Variants in JMY observed in about 807,000 individuals in gnomAD.
JMY encodes junction mediating and regulatory protein, p53 cofactor, also known as junction-mediating and -regulatory protein.
JMY carries 46 observed loss-of-function variants against 103.3 expected under a neutral mutation model. That is an observed-to-expected ratio of 0.45 (90% CI 0.35 to 0.57). The LOEUF is 0.57. Among genes scored for constraint, JMY ranks in the 20% least tolerant of loss-of-function variants. JMY has a pLI of 0.00. For missense variants in JMY, 1,238 were observed against 1,255.2 expected (o/e 0.99, Z 0.21); for synonymous variants, 526 against 489.3 (o/e 1.07, Z -0.99).
At chr5:79,309,498 A>G (rs990586462) in intron 7 of JMY, among the ~76,000 whole-genome samples, 1 of 152,220 alleles carries the variant, frequency 6.6e-6, no homozygotes, top group Non-Finnish European at 1.5e-5. Context: ...TGTGTCTTAA[A>G]TTAGTTAACA....
chr5:79,297,918 G>C (rs751370272), intron 4 of JMY, among the ~76,000 whole-genome samples: 1 of 152,160 alleles, frequency 6.6e-6, no homozygotes, highest in African/African-American at 2.4e-5. Flanking sequence ...TTTGATTTTT[G>C]ATATTGAGTG....
chr5:79,258,311 G>GTTTT (rs1491360478), intron 1 of JMY, among the ~76,000 whole-genome samples: 17 of 81,810 alleles, frequency 2.1e-4, no homozygotes, highest in Admixed American at 3.0e-4. Flanking sequence ...TTTTGTTTTT[G>GTTTT]TTGTTTTTTT....
chr5:79,312,300 A>G, intron 7 of JMY, 103 bp from the exon 8 acceptor site: 1 of 579,800 alleles, frequency 1.7e-6, no homozygotes, highest in South Asian at 5.0e-5. Context: ...TGTTCAGTGA[A>G]TCATCCCCTT....
chr5:79,281,844 T>C (rs764930651), intron 2 of JMY, among the ~76,000 whole-genome samples: 5 of 152,118 alleles, frequency 3.3e-5, no homozygotes, highest in African/African-American at 4.8e-5. Context: ...CATAGTAAAA[T>C]TGCTTACAGG....
At chr5:79,281,942 A>G (rs1006741356) in intron 2 of JMY, among the ~76,000 whole-genome samples, 1 of 152,204 alleles carries the variant, frequency 6.6e-6, no homozygotes, top group Non-Finnish European at 1.5e-5. Context: ...GTAGTGGCTC[A>G]TGCCTGTAAT....
chr5:79,290,725 C>T (rs995330376), intron 3 of JMY, among the ~76,000 whole-genome samples: 21 of 152,266 alleles, frequency 1.4e-4, no homozygotes, highest in African/African-American at 4.6e-4. Flanking sequence ...CGGTGGCTCA[C>T]GCCTGTAATC....
At chr5:79,285,779 T>A (rs527880774) in intron 2 of JMY, among the ~76,000 whole-genome samples, 2 of 152,302 alleles carry the variant, frequency 1.3e-5, no homozygotes, top group South Asian at 2.1e-4. Flanking sequence ...CCCCCTCATC[T>A]TCTTCATGAT....
chr5:79,289,975 G>A, intron 2 of JMY, 146 bp from the exon 3 acceptor site: 1 of 588,730 alleles, frequency 1.7e-6, no homozygotes, highest in Non-Finnish European at 2.8e-6. Context: ...CAGTATTATT[G>A]TTAATTCACT....
intron 2 of JMY, among the ~76,000 whole-genome samples, chr5:79,278,981 T>A (rs1240232578): frequency 6.6e-6 from 1 of 152,118 alleles, no homozygotes; most frequent in African/African-American, 2.4e-5. Context: ...GTTTTAAGTT[T>A]TTAATGACAG....
intron 2 of JMY, chr5:79,283,990 G>A (rs1161584846): frequency 3.7e-6 from 2 of 540,494 alleles, no homozygotes; most frequent in Non-Finnish European, 6.1e-6. Context: ...CTTTGTATTT[G>A]TAGCTATAAA....
chr5:79,255,099 C>A (rs183908603), intron 1 of JMY, among the ~76,000 whole-genome samples: 19 of 149,318 alleles, frequency 1.3e-4, no homozygotes, highest in Non-Finnish European at 2.4e-4. Context: ...TTTGAATTCT[C>A]TGTCTGAAAG....
intron 1 of JMY, among the ~76,000 whole-genome samples, chr5:79,264,580 GA>G (rs1306508648): frequency 6.6e-6 from 1 of 152,050 alleles, no homozygotes; most frequent in Non-Finnish European, 1.5e-5. Flanking sequence ...TATTTCATCA[GA>G]ATGAAAAGAG....
intron 1 of JMY, among the ~76,000 whole-genome samples, chr5:79,242,083 A>G (rs1304578386): frequency 2.6e-5 from 4 of 152,232 alleles, no homozygotes; most frequent in Non-Finnish European, 5.9e-5. Context: ...AGATCTAATC[A>G]TCAGTGTTCA....
intron 2 of JMY, among the ~76,000 whole-genome samples, chr5:79,286,533 CTCAGGAAG>C (rs1561304819): frequency 6.6e-6 from 1 of 151,908 alleles, no homozygotes. Context: ...ATCCCAACTA[CTCAGGAAG>C]CTGAGGCAGG....
rs1043397003 is a variant in JMY at position 79,326,819 on chromosome 5, G to A, written c.*5217G>A. The A allele has an allele frequency of 2.6e-5, 4 of 152,160 alleles. No individual in the cohort carries two copies. The highest frequency in any genetic ancestry group is 9.7e-5 in the African/African-American group (4 of 41,450). The allele number at this position is 152,160 out of a possible 1,614,324, so 9.4% of individuals were successfully genotyped here. ...TGTGCTTTGCTTGGCTTGTAAGGAT[G>A]GCTTTAGTACCATTACATTAAATGG... On this transcript the variant is annotated 3_prime_UTR_variant, in exon 11 of 11. Coordinates refer to ENST00000396137, the MANE Select transcript of JMY (RefSeq NM_152405.5).
chr5:79,257,777 T>G (rs1258137810), intron 1 of JMY, among the ~76,000 whole-genome samples: 1 of 152,098 alleles, frequency 6.6e-6, no homozygotes, highest in Non-Finnish European at 1.5e-5. Flanking sequence ...TCTTTTTTTT[T>G]TGGAGACGGA....
rs1233510345 is a variant in JMY at position 79,308,895 on chromosome 5, C to T, written c.1968+2434C>T. Among the ~76,000 whole-genome samples, 3 of 151,896 alleles carry T rather than the reference C, an allele frequency of 2.0e-5. No individual in the cohort carries two copies. The East Asian group carries it at 5.8e-4, about 29-fold the overall frequency. On this transcript the variant is annotated intron_variant, in intron 7 of 10. Transcript: ENST00000396137. ...TTTTCCTCATAAAGATCTTGTACAC[C>T]TTTTGTAAGATTTATACCTAAGATA...
At chr5:79,253,762 G>A (rs941360271) in intron 1 of JMY, among the ~76,000 whole-genome samples, 1 of 152,088 alleles carries the variant, frequency 6.6e-6, no homozygotes, top group Admixed American at 6.6e-5. Context: ...GTGGCATGCA[G>A]TGGAGTGCAG....
rs1747548544 is a variant in JMY at position 79,323,998 on chromosome 5, T to C, written c.*2396T>C. On this transcript the variant is annotated 3_prime_UTR_variant, in exon 11 of 11. Coordinates refer to ENST00000396137, the MANE Select transcript of JMY (RefSeq NM_152405.5). ...CTATGCCCATCCTCTTGTAAATAACTTTCCAACACACCCATTTCCTTGCCT... is the reference window on the plus strand; with the variant it reads ...CTATGCCCATCCTCTTGTAAATAACCTTCCAACACACCCATTTCCTTGCCT... The C allele has an allele frequency of 6.6e-6, 1 of 152,216 alleles. No individual in the cohort carries two copies. Among genetic ancestry groups the C allele is most frequent in the Admixed American group, 6.5e-5 (1 of 15,274 alleles). The allele number at this position is 152,216 out of a possible 1,614,324, so 9.4% of individuals were successfully genotyped here.
Sources: gnomAD v4.1 joint callset for allele counts (sites outside exome capture counted in the v4.1 genomes callset) on GRCh38, gnomAD v4.1.1 for gene constraint, MANE v1.5 for transcripts, NCBI Gene and HGNC (gene_info 2026-07-23, HGNC 2026-07-21) for gene names.